Variants in TCHP observed in about 807,000 individuals in gnomAD.
TCHP encodes trichoplein keratin filament binding.
Under a neutral mutation model 88.7 loss-of-function variants are expected in TCHP, and 81 were observed. That is an observed-to-expected ratio of 0.91 (90% CI 0.76 to 1.10). The LOEUF (loss-of-function observed/expected upper bound fraction) is 1.10. Among genes scored for constraint, TCHP ranks in the 50% least tolerant of loss-of-function variants. The pLI is 0.00. For synonymous variants in TCHP, 232 were observed against 232.5 expected (o/e 1.00, Z 0.02); for missense variants, 641 against 632.1 (o/e 1.01, Z -0.15).
upstream of TCHP, among the ~76,000 whole-genome samples, chr12:109,899,525 C>T (rs1411992629): frequency 6.6e-6 from 1 of 152,098 alleles, no homozygotes; most frequent in African/African-American, 2.4e-5. Context: ...GTAGTCTCAG[C>T]TACTCGGTAG....
Position 109,911,060 on chromosome 12 carries a change from T to C in TCHP, c.880-3T>C, listed in dbSNP as rs1429220912. The C allele has an allele frequency of 3.2e-6, 5 of 1,568,492 alleles. No homozygotes were observed. In the Admixed American group the frequency reaches 5.5e-5, roughly 17 times the overall value. ...GCCACGTGCCGCCCTCTGCTTCCTC[T>C]AGGAGGCAGACAGGCGGATCCTGCA... is the stretch of plus-strand genomic sequence containing the variant. On this transcript the variant is annotated splice_region_variant and splice_polypyrimidine_tract_variant and intron_variant, in intron 8 of 12. Coordinates refer to ENST00000405876, the MANE Select transcript of TCHP (RefSeq NM_001143852.2).
rs1477662948 is a variant in TCHP at position 109,915,293 on chromosome 12, AG to A, written c.1321-109del. 7 of 1,489,278 alleles carry A rather than the reference AG, an allele frequency of 4.7e-6. No homozygotes were observed. The Admixed American group carries it at 1.2e-4, about 25-fold the overall frequency. 92.3% of individuals were successfully genotyped at this position (1,489,278 alleles called of 1,614,324 possible). A position where few individuals can be genotyped will look rare whatever the true frequency, so the allele number is the denominator to read the frequency against. ...CTTGGCACGTGCATTGCTGTTGCTC[AG>A]CTGGATTCTCCAGTCTGGGTAGGGC... On this transcript the variant is annotated intron_variant, in intron 11 of 12. Transcript: ENST00000405876.
Position 109,917,641 on chromosome 12 carries a change from C to T in TCHP, c.*1018C>T, listed in dbSNP as rs1029320130. The T allele has an allele frequency of 1.3e-5, 2 of 152,612 alleles. No homozygotes were observed. The highest frequency in any genetic ancestry group is 4.8e-5 in the African/African-American group (2 of 41,432). The allele number at this position is 152,612 out of a possible 1,614,324, so 9.5% of individuals were successfully genotyped here. ...AACCACAGACCGGCCAGAAATCTCT[C>T]CCACCATTATATCAGCGTGATACAG... is the stretch of plus-strand genomic sequence containing the variant. On this transcript the variant is annotated 3_prime_UTR_variant, in exon 13 of 13. Transcript: ENST00000405876.
chr12:109,896,931 G>T (rs1420983829), upstream of TCHP, among the ~76,000 whole-genome samples: 1 of 151,930 alleles, frequency 6.6e-6, no homozygotes, highest in African/African-American at 2.4e-5. Flanking sequence ...TATATATATA[G>T]ATAGATATAG....
the TCHP span, among the ~76,000 whole-genome samples, chr12:109,893,744 A>T: frequency 2.0e-5 from 3 of 152,182 alleles, no homozygotes; most frequent in African/African-American, 7.2e-5. Flanking sequence ...AGAGGGAGCA[A>T]CTCAACAAAA....
intron 10 of TCHP, 118 bp from the exon 11 acceptor site, chr12:109,914,324 G>A: frequency 1.1e-6 from 1 of 882,630 alleles, no homozygotes; most frequent in African/African-American, 1.7e-5. Flanking sequence ...GCGTACCTGG[G>A]CCTGAGGCCC....
chr12:109,912,988 C>T lies in TCHP; in HGVS notation c.1053-3C>T. 6.2e-7 allele frequency: 1 copy of T among 1,613,802 alleles called. No homozygotes were observed. ...TGCTGTCATCCCTTTTGTGTTTGCC[C>T]AGGGAGGAGGCCAAGGAGATGTGGG... On this transcript the variant is annotated splice_region_variant and splice_polypyrimidine_tract_variant and intron_variant, in intron 9 of 12. Coordinates refer to ENST00000405876, the MANE Select transcript of TCHP (RefSeq NM_001143852.2).
intron 1 of TCHP, among the ~76,000 whole-genome samples, chr12:109,901,815 C>A (rs1451777625): frequency 6.6e-6 from 1 of 152,194 alleles, no homozygotes; most frequent in African/African-American, 2.4e-5. Flanking sequence ...GAAAATCAAG[C>A]CCCTTCCTCG....
intron 1 of TCHP, chr12:109,901,145 T>C (rs1009556368): frequency 1.3e-4 from 20 of 152,158 alleles, no homozygotes; most frequent in Non-Finnish European, 2.9e-5. Flanking sequence ...GGCAGGTTGG[T>C]CCCAACAGGC....
intron 11 of TCHP, chr12:109,915,036 A>G (rs955640982): frequency 4.6e-6 from 2 of 432,816 alleles, no homozygotes; most frequent in African/African-American, 2.0e-5. Context: ...CACGCCACGC[A>G]TACAGCCTCT....
intron 10 of TCHP, among the ~76,000 whole-genome samples, chr12:109,913,537 A>G (rs1336488045): frequency 2.0e-5 from 3 of 152,144 alleles, no homozygotes; most frequent in Non-Finnish European, 4.4e-5. Flanking sequence ...CGCTGCAGAG[A>G]GCCTCTTGGT....
At chr12:109,885,728 T>G in the TCHP span, among the ~76,000 whole-genome samples, 3 of 151,666 alleles carry the variant, frequency 2.0e-5, no homozygotes, top group Non-Finnish European at 4.4e-5. Context: ...TGATCCGCCC[T>G]CCTCGGCCTC....
In TCHP at chr12:109,915,221, C is replaced by T. The variant is rs891283472; in HGVS notation, c.1321-182C>T. The T allele has an allele frequency of 7.9e-6, 6 of 763,192 alleles. No homozygotes were observed. In the African/African-American group the frequency reaches 1.0e-4, roughly 13 times the overall value. 47.3% of individuals were successfully genotyped at this position (763,192 alleles called of 1,614,324 possible). On this transcript the variant is annotated intron_variant, in intron 11 of 12. Coordinates refer to ENST00000405876, the MANE Select transcript of TCHP (RefSeq NM_001143852.2). ...AGCCTCTCCAGCTTTCTATGAGGTA[C>T]ACACCATGCATACAGCCTTTCAAGT...
chr12:109,913,351 T>C (rs1168868685), intron 10 of TCHP, among the ~76,000 whole-genome samples: 3 of 152,264 alleles, frequency 2.0e-5, no homozygotes, highest in Non-Finnish European at 4.4e-5. Context: ...ACATTTTTTC[T>C]ACATGTATTT....
At chr12:109,887,743 C>T in the TCHP span, 1 of 152,346 alleles carries the variant, frequency 6.6e-6, no homozygotes. Flanking sequence ...AGACACCTTT[C>T]TTATTCCATT....
intron 9 of TCHP, among the ~76,000 whole-genome samples, chr12:109,911,786 G>A (rs1031355234): frequency 1.1e-4 from 16 of 151,424 alleles, no homozygotes; most frequent in African/African-American, 3.6e-4. Flanking sequence ...AATCTTAGAG[G>A]TTTAGAAGGA....
At chr12:109,915,598 G>T (rs779951331) in intron 12 of TCHP, 52 bp downstream of exon 12, 3 of 1,552,068 alleles carry the variant, frequency 1.9e-6, no homozygotes, top group Non-Finnish European at 2.6e-6. Flanking sequence ...GACTCTGCCC[G>T]GCCCCTGCTC....
At position 109,908,568 on chromosome 12, in the gene TCHP, C is replaced by G; in HGVS notation, c.700-18C>G. 3.2e-6 allele frequency: 5 copies of G among 1,579,632 alleles called. No individual in the cohort carries two copies. The highest frequency in any genetic ancestry group is 4.3e-6 in the Non-Finnish European group (5 of 1,161,626). Reference sequence around the variant, plus strand: ...CGATCTCAGATCTCAGTCGAGCTTACTCTCATCATCACCACAGGCGACCAA... The same window carrying G: ...CGATCTCAGATCTCAGTCGAGCTTAGTCTCATCATCACCACAGGCGACCAA... On this transcript the variant is annotated intron_variant, in intron 6 of 12. Coordinates refer to ENST00000405876, the MANE Select transcript of TCHP (RefSeq NM_001143852.2).
chr12:109,894,449 C>T, the TCHP span, among the ~76,000 whole-genome samples: 2 of 127,932 alleles, frequency 1.6e-5, no homozygotes, highest in African/African-American at 3.2e-5. Context: ...GGCAACAGAG[C>T]AAGACTCCGT....
Sources: allele counts gnomAD v4.1 joint callset (sites outside exome capture counted in the v4.1 genomes callset), GRCh38; gene constraint gnomAD v4.1.1; transcripts MANE v1.5; gene names NCBI Gene and HGNC (gene_info 2026-07-23, HGNC 2026-07-21).